The following NUCB2 variants were observed in gnomAD, a reference collection of about 807,000 sequenced individuals.
NUCB2 encodes nucleobindin-2.
NUCB2 carries 48 observed loss-of-function variants against 57.9 expected under a neutral mutation model. The ratio of observed to expected loss-of-function variants is 0.83; its 90% CI spans 0.66 to 1.05. The LOEUF (loss-of-function observed/expected upper bound fraction) is 1.05. Among genes scored for constraint, NUCB2 ranks in the 50% least tolerant of loss-of-function variants. The pLI, the probability that NUCB2 is intolerant of heterozygous loss-of-function variation, is 0.00. For missense variants in NUCB2, 442 were observed against 476.2 expected (o/e 0.93, Z 0.67); for synonymous variants, 139 against 152.1 (o/e 0.91, Z 0.64).
rs1945788038 is a variant in NUCB2, at chr11:17,296,211, G to C, written c.252G>C (p.Lys84Asn). ...AGAAAGCAGACATAGAGGAAATAAAGGTAAATGCAATTCAATAATATATAC... is the reference window on the plus strand; with the variant it reads ...AGAAAGCAGACATAGAGGAAATAAACGTAAATGCAATTCAATAATATATAC... ...KLQKADIEEI[K>N]SGRLSKELDL... Residue 84 changes from lysine (K) to asparagine (N), a missense_variant and splice_region_variant, in exon 4 of 14, where the codon AAG (lysine) becomes AAC (asparagine). Transcript: ENST00000529010. 1 of 1,574,660 alleles carries C rather than the reference G, an allele frequency of 6.4e-7. No individual in the cohort carries two copies. The highest frequency in any genetic ancestry group is 1.4e-5 in the African/African-American group (1 of 74,012).
chr11:17,292,711 A>G (rs1446956832), intron 2 of NUCB2, among the ~76,000 whole-genome samples: 2 of 152,214 alleles, frequency 1.3e-5, no homozygotes, highest in Non-Finnish European at 2.9e-5. Flanking sequence ...ACTAGAAGTG[A>G]TATGTCTCAG....
chr11:17,314,365 C>T (rs184039520), intron 10 of NUCB2, among the ~76,000 whole-genome samples: 1 of 152,296 alleles, frequency 6.6e-6, no homozygotes, highest in Admixed American at 6.5e-5. Flanking sequence ...AGAAATACTT[C>T]AGTGGCTTGC....
chr11:17,286,573 C>T (rs748804109), intron 2 of NUCB2: 2 of 152,170 alleles, frequency 1.3e-5, no homozygotes, highest in Non-Finnish European at 2.9e-5. Context: ...AATTATCAGC[C>T]TGTCCTGGTT....
At chr11:17,326,476 C>T (rs1044459264) in intron 11 of NUCB2, among the ~76,000 whole-genome samples, 3 of 149,672 alleles carry the variant, frequency 2.0e-5, no homozygotes, top group African/African-American at 4.9e-5. Flanking sequence ...TGCCACCACA[C>T]GCGGCTAATT....
intron 1 of NUCB2, among the ~76,000 whole-genome samples, chr11:17,282,240 A>ATC (rs1206325646): frequency 4.0e-4 from 43 of 107,018 alleles, no homozygotes; most frequent in Non-Finnish European, 5.7e-4. Flanking sequence ...ATCTATCTAT[A>ATC]TATATATATA....
chr11:17,309,673 G>A lies in NUCB2; in HGVS notation c.481G>A (p.Ala161Thr), dbSNP rs758483225. Residue 161 changes from alanine to threonine, a missense_variant and splice_region_variant, in exon 6 of 14, where the codon GCG (alanine) becomes ACG (threonine). By Grantham distance (58) the Ala-to-Thr change is moderately conservative (BLOSUM62 0). Coordinates refer to ENST00000529010, the MANE Select transcript of NUCB2 (RefSeq NM_005013.4). ...CACAGATTTAGATATGCTAATCAAA[G>A]CGGTGAGAATAATTCCAAAAAGTTT... ...ESTDLDMLIK[A>T]ATSDLEHYDK... 4.6e-5 allele frequency: 72 copies of A among 1,582,326 alleles called. No homozygotes were observed. The highest frequency in any genetic ancestry group is 1.3e-4 in the Admixed American group (7 of 52,850).
chr11:17,297,642 A>G (rs536475121), intron 4 of NUCB2, among the ~76,000 whole-genome samples: 2 of 152,318 alleles, frequency 1.3e-5, no homozygotes, highest in Admixed American at 6.5e-5. Flanking sequence ...GGGAGATACT[A>G]CATAGAGATA....
downstream of NUCB2, among the ~76,000 whole-genome samples, chr11:17,334,819 G>A (rs1031890926): frequency 3.3e-5 from 5 of 151,074 alleles, no homozygotes; most frequent in African/African-American, 1.2e-4. Context: ...CTGGGAGGTG[G>A]AGGTTGCAGT....
chr11:17,312,105 A>T lies in NUCB2; in HGVS notation c.897A>T (p.Glu299Asp). The change falls in exon 10 of 14, where the codon GAA (glutamate) becomes GAT (aspartate). Residue 299 changes from glutamate (E) to aspartate (D), a missense_variant. Coordinates refer to ENST00000529010, the MANE Select transcript of NUCB2 (RefSeq NM_005013.4). ...EMEEERLRMREHVMNEVDTNK... is the reference protein window; with the variant it reads ...EMEEERLRMRDHVMNEVDTNK... The stretch of plus-strand genomic sequence containing the variant: ...AAGAAGAAAGGCTTAGAATGAGGGA[A>T]CATGTAATGAATGAGGTATGTTTTA... 4 of 1,498,458 alleles carry T rather than the reference A, an allele frequency of 2.7e-6. No individual in the cohort carries two copies. The highest frequency in any genetic ancestry group is 3.7e-6 in the Non-Finnish European group (4 of 1,089,840). 92.8% of individuals were successfully genotyped at this position (1,498,458 alleles called of 1,614,324 possible). A position where few individuals can be genotyped will look rare whatever the true frequency, so the allele number is the denominator to read the frequency against.
At chr11:17,324,136 A>G (rs1477147201) in intron 11 of NUCB2, among the ~76,000 whole-genome samples, 1 of 152,014 alleles carries the variant, frequency 6.6e-6, no homozygotes, top group African/African-American at 2.4e-5. Flanking sequence ...GTTAAGATGC[A>G]CTATTAGGTT....
intron 11 of NUCB2, among the ~76,000 whole-genome samples, chr11:17,318,292 CATATG>C (rs976613210): frequency 2.6e-5 from 4 of 151,488 alleles, no homozygotes. Context: ...ACTGGGATTA[CATATG>C]TGAGTCACCG....
chr11:17,335,924 G>C (rs34563660), downstream of NUCB2, among the ~76,000 whole-genome samples: 6,851 of 152,296 alleles, frequency 0.045, 288 homozygotes, highest in Admixed American at 0.14. Flanking sequence ...AGCTGACTTA[G>C]TGAAATTTAT....
chr11:17,337,617 G>A (rs1951921395), intron 2 of NUCB2: 1 of 152,072 alleles, frequency 6.6e-6, no homozygotes, highest in Admixed American at 6.6e-5. Context: ...AGATTTGAAG[G>A]AAATCAGACC....
At chr11:17,324,231 G>C (rs1950373203) in intron 11 of NUCB2, among the ~76,000 whole-genome samples, 1 of 151,910 alleles carries the variant, frequency 6.6e-6, no homozygotes, top group South Asian at 2.1e-4. Context: ...TTATCCCACA[G>C]GTTTTGGTAT....
Position 17,288,959 on chromosome 11 carries a change from AT to A in NUCB2, c.-1+6017del, listed in dbSNP as rs1944443578. 7.5e-5 allele frequency among the ~76,000 whole-genome samples: 5 copies of A among 66,928 alleles called. 2 individuals carry two copies. Among genetic ancestry groups the A allele is most frequent in the African/African-American group, 4.5e-4 (5 of 11,182 alleles). The allele number at this position is 66,928 out of a possible 152,430, so 43.9% of individuals were successfully genotyped here. On this transcript the variant is annotated intron_variant, in intron 2 of 13. Coordinates refer to ENST00000529010, the MANE Select transcript of NUCB2 (RefSeq NM_005013.4). ...CACACACACACACACACATATATAT[AT>A]ATATTTTTTTTTTTTGAGATGGAGT...
chr11:17,285,743 CAAAAAAAAAAAAAA>C (rs1159389193), intron 2 of NUCB2, among the ~76,000 whole-genome samples: 1 of 36,106 alleles, frequency 2.8e-5, no homozygotes, highest in Admixed American at 2.9e-4. Context: ...GACTCCGTCT[CAAAAAAAAAAAAAA>C]AAAAAAAAAG....
At chr11:17,281,339 TG>T (rs1000469200) in intron 1 of NUCB2, among the ~76,000 whole-genome samples, 2 of 152,018 alleles carry the variant, frequency 1.3e-5, no homozygotes, top group African/African-American at 4.8e-5. Context: ...AGGCTTGTTT[TG>T]AACTCCTGGG....
intron 2 of NUCB2, among the ~76,000 whole-genome samples, chr11:17,344,663 T>A (rs764327984): frequency 7.9e-5 from 12 of 152,210 alleles, no homozygotes; most frequent in Non-Finnish European, 1.3e-4. Context: ...ATTGATCTTT[T>A]CTCTAAGGAA....
In NUCB2 at chr11:17,301,800, T is replaced by C; in HGVS notation, c.309T>C (p.Leu103=). The part of the protein sequence containing the change: ...DLVSHHVRTK[L]DELKRQEVGR... ...TAAGTCACCATGTGAGGACAAAACT[T>C]GATGAACTGAAAAGGCAAGAAGTAG... Residue 103 remains leucine, a synonymous_variant, in exon 5 of 14, where the codon CTT becomes CTC. Coordinates refer to ENST00000529010, the MANE Select transcript of NUCB2 (RefSeq NM_005013.4). 1 of 1,612,320 alleles carries C rather than the reference T, an allele frequency of 6.2e-7. No individual in the cohort carries two copies. Among genetic ancestry groups the C allele is most frequent in the Non-Finnish European group, 8.5e-7 (1 of 1,178,350 alleles).
Sources: gnomAD v4.1 joint callset for allele counts (sites outside exome capture counted in the v4.1 genomes callset) on GRCh38, gnomAD v4.1.1 for gene constraint, MANE v1.5 for transcripts, NCBI Gene and HGNC (gene_info 2026-07-23, HGNC 2026-07-21) for gene names.